CFAP43: variants seen among roughly 807,000 people sequenced by gnomAD.
CFAP43 encodes the protein cilia- and flagella-associated protein 43.
Under a neutral mutation model 218.9 loss-of-function variants are expected in CFAP43, and 155 were observed. That is an observed-to-expected ratio of 0.71 (90% CI 0.62 to 0.81). The LOEUF is 0.81. Ranked by LOEUF, CFAP43 falls within the 30% of genes least tolerant of loss-of-function variation. CFAP43 has a pLI of 0.00. For synonymous variants in CFAP43, 645 were observed against 681.3 expected, an observed-to-expected ratio of 0.95 and a Z score of 0.83; for missense variants, 1,778 against 1,954.3, an observed-to-expected ratio of 0.91 and a Z score of 1.70.
rs41291844 is a variant in CFAP43 at position 104,207,815 on chromosome 10, C to T, written c.745G>A (p.Asp249Asn). 6.2e-7 allele frequency: 1 copy of T among 1,610,420 alleles called. No homozygotes were observed. Among genetic ancestry groups the T allele is most frequent in the Admixed American group, 1.7e-5 (1 of 59,048 alleles). The change falls in exon 6 of 38, where the codon GAT becomes AAT. Residue 249 changes from aspartate (D) to asparagine (N), a missense_variant. Around this residue, in one of 3 missense-constraint regions of CFAP43, gnomAD observed 1,553 missense variants for 1,685.2 expected, o/e 0.92. Coordinates refer to ENST00000357060, the MANE Select transcript of CFAP43 (RefSeq NM_025145.7). ...GTCGGGTGAAGCAAAGGATATAGAT[C>T]ATCTTTCGGCTTCAGGGAGAGAATA... ...KEAETFRPKD[D>N]LYPLLHPTMH...
intron 28 of CFAP43, among the ~76,000 whole-genome samples, chr10:104,148,546 A>G (rs1169730306): frequency 1.3e-5 from 2 of 152,086 alleles, no homozygotes; most frequent in Admixed American, 6.6e-5. Context: ...GAATAGATCA[A>G]TTCCCTCCCT....
At position 104,194,013 on chromosome 10, in the gene CFAP43, G is replaced by T; in HGVS notation, c.1295C>A (p.Ala432Glu). ...CVSKIYLNTL[A>E]TVLACCPSSL... ...GGATGGACAGCAAGCCAGAACCGTTGCCTGTTTAAAATAAACCCCAGATGC... is the reference window on the plus strand; with the variant it reads ...GGATGGACAGCAAGCCAGAACCGTTTCCTGTTTAAAATAAACCCCAGATGC... The change falls in exon 11 of 38, where the codon GCA becomes GAA. Residue 432 changes from alanine (A) to glutamate (E), a missense_variant and splice_region_variant. Ala to Glu is a moderately radical substitution (Grantham distance 107). Coordinates refer to ENST00000357060, the MANE Select transcript of CFAP43 (RefSeq NM_025145.7). 6.2e-7 allele frequency: 1 copy of T among 1,612,972 alleles called. No homozygotes were observed.
chr10:104,142,350 A>C lies in CFAP43; in HGVS notation c.4202T>G (p.Leu1401Arg). 6.2e-7 allele frequency: 1 copy of C among 1,613,542 alleles called. No individual in the cohort carries two copies. Among genetic ancestry groups the C allele is most frequent in the Non-Finnish European group, 8.5e-7 (1 of 1,179,778 alleles). The change falls in exon 33 of 38, where the codon CTC becomes CGC. Residue 1401 changes from leucine (L) to arginine (R), a missense_variant. Around this residue, in one of 3 missense-constraint regions of CFAP43, gnomAD observed 1,553 missense variants for 1,685.2 expected, o/e 0.92. Transcript: ENST00000357060. ...CTCTTCCTCCTCAACTCTCTTCTGG[A>C]GGAAAGTTGCCATTTCCAATAAGTC... ...AADLLEMATF[L>R]QKRVEEEEKV...
chr10:104,205,820 A>T, intron 7 of CFAP43, 143 bp downstream of exon 7: 4 of 711,314 alleles, frequency 5.6e-6, no homozygotes, highest in Non-Finnish European at 7.2e-6. Flanking sequence ...AATCCTTTTT[A>T]ATAGTACCCA....
intron 10 of CFAP43, among the ~76,000 whole-genome samples, chr10:104,194,356 TAATAGTGAA>T (rs897989823): frequency 6.6e-6 from 1 of 152,222 alleles, no homozygotes; most frequent in African/African-American, 2.4e-5. Flanking sequence ...ATTAGACCAA[TAATAGTGAA>T]AAATAAGGAA....
intron 5 of CFAP43, 126 bp from the exon 6 acceptor site, chr10:104,207,950 C>T (rs1328869586): frequency 4.7e-6 from 4 of 858,412 alleles, no homozygotes; most frequent in African/African-American, 1.7e-5. Context: ...AACATAGGAA[C>T]ATTGAGCATT....
intron 28 of CFAP43, among the ~76,000 whole-genome samples, chr10:104,150,670 G>T (rs2088208242): frequency 6.6e-6 from 1 of 152,060 alleles, no homozygotes; most frequent in East Asian, 1.9e-4. Context: ...TCTTTCAAAA[G>T]CTCTCATCAA....
chr10:104,203,733 C>T lies in CFAP43; in HGVS notation c.1034G>A (p.Arg345Lys). Residue 345 changes from arginine (R) to lysine (K), a missense_variant, in exon 8 of 38, where the codon AGA (arginine) becomes AAA (lysine). Around this residue, in one of 3 missense-constraint regions of CFAP43, gnomAD observed 1,553 missense variants for 1,685.2 expected, o/e 0.92. Coordinates refer to ENST00000357060, the MANE Select transcript of CFAP43 (RefSeq NM_025145.7). ...AGAAAATGTCATATGTTCTACAGGT[C>T]TTTCAATCTCAAGAAAATCCTCGAT... ...YMIEDFLEIERPVEHMTFSPN... is the reference protein window; with the variant it reads ...YMIEDFLEIEKPVEHMTFSPN... 1 of 1,611,276 alleles carries T rather than the reference C, an allele frequency of 6.2e-7. No homozygotes were observed. Among genetic ancestry groups the T allele is most frequent in the Non-Finnish European group, 8.5e-7 (1 of 1,178,746 alleles).
At chr10:104,192,585 C>A in intron 11 of CFAP43, 1 of 336,422 alleles carries the variant, frequency 3.0e-6, no homozygotes, top group Non-Finnish European at 5.4e-6. Context: ...ACATGTCTGT[C>A]GGTAGAGCTT....
intron 28 of CFAP43, 134 bp downstream of exon 28, chr10:104,152,473 G>A: frequency 1.6e-6 from 2 of 1,232,496 alleles, no homozygotes; most frequent in South Asian, 1.4e-5. Flanking sequence ...TGCACAAGAT[G>A]AGACTGGAGA....
At chr10:104,145,016 G>A (rs1305213461) in intron 31 of CFAP43, among the ~76,000 whole-genome samples, 2 of 152,172 alleles carry the variant, frequency 1.3e-5, no homozygotes. Flanking sequence ...AATACATTCT[G>A]CAGTAAAAGA....
chr10:104,201,753 T>G (rs2134943724), intron 8 of CFAP43, among the ~76,000 whole-genome samples: 1 of 152,278 alleles, frequency 6.6e-6, no homozygotes, highest in East Asian at 1.9e-4. Flanking sequence ...TCTCCACCTA[T>G]TACTACTGCT....
chr10:104,142,227 T>G, intron 33 of CFAP43, 54 bp downstream of exon 33: 1 of 1,471,024 alleles, frequency 6.8e-7, no homozygotes, highest in Admixed American at 1.7e-5. Context: ...CACAACCTGA[T>G]TTAGCCCTAA....
chr10:104,138,023 T>C (rs149458018), intron 34 of CFAP43, among the ~76,000 whole-genome samples: 80 of 152,272 alleles, frequency 5.3e-4, no homozygotes, highest in African/African-American at 1.8e-3. Context: ...GTTAGAACTA[T>C]CAGATGGGAA....
rs1564766370 is a variant in CFAP43, at chr10:104,182,495, T to A, written c.2160A>T (p.Leu720=). ...GGTAATAGTCCAGAATTTCACTGGC[T>A]AGGTGTCCTCCAAATCGCCTATATT... The part of the protein sequence containing the change: ...YLKWKRFGGH[L]ASEILDYYQK... Residue 720 remains leucine (L), a synonymous_variant, in exon 17 of 38, where the codon CTA becomes CTT. Transcript: ENST00000357060. 3 of 1,601,140 alleles carry A rather than the reference T, an allele frequency of 1.9e-6. No individual in the cohort carries two copies. The Admixed American group carries it at 5.3e-5, about 28-fold the overall frequency.
At chr10:104,138,590 G>A (rs1192535727) in intron 34 of CFAP43, among the ~76,000 whole-genome samples, 3 of 151,796 alleles carry the variant, frequency 2.0e-5, no homozygotes, top group Admixed American at 6.6e-5. Flanking sequence ...CAGTAGAATC[G>A]CTTGAACCCA....
At chr10:104,140,604 G>C (rs1334943711) in intron 34 of CFAP43, among the ~76,000 whole-genome samples, 1 of 152,184 alleles carries the variant, frequency 6.6e-6, no homozygotes, top group Non-Finnish European at 1.5e-5. Flanking sequence ...TCAGGAGTTT[G>C]AGAACAGCCT....
intron 8 of CFAP43, among the ~76,000 whole-genome samples, chr10:104,202,818 GT>G (rs5787513): frequency 0.019 from 2,660 of 141,558 alleles, 60 homozygotes; most frequent in East Asian, 0.081. Flanking sequence ...AGTTAGCATA[GT>G]TTTTTTTTTT....
At chr10:104,171,186 C>G (rs1247259644) in intron 20 of CFAP43, among the ~76,000 whole-genome samples, 1 of 152,164 alleles carries the variant, frequency 6.6e-6, no homozygotes, top group Non-Finnish European at 1.5e-5. Flanking sequence ...ATACATTAGC[C>G]CCATGACAGC....
Sources: allele counts gnomAD v4.1 joint callset (sites outside exome capture counted in the v4.1 genomes callset), GRCh38; gene constraint gnomAD v4.1.1; regional missense constraint gnomAD v4.1.1; transcripts MANE v1.5; gene names NCBI Gene and HGNC (gene_info 2026-07-23, HGNC 2026-07-21).